The following CLN8 variants were observed in gnomAD, a reference collection of about 807,000 sequenced individuals.
CLN8 encodes CLN8 transmembrane ER and ERGIC protein.
Under a neutral mutation model 15.7 loss-of-function variants are expected in CLN8, and 14 were observed. That is an observed-to-expected ratio of 0.89 (90% CI 0.59 to 1.39). The LOEUF is 1.39. Among genes scored for constraint, CLN8 ranks in the 40% most tolerant of loss-of-function variants. The pLI, the probability that CLN8 is intolerant of heterozygous loss-of-function variation, is 0.00. For missense variants in CLN8, 415 were observed against 364.0 expected, an observed-to-expected ratio of 1.14 and a Z score of -1.14; for synonymous variants, 188 against 151.0, an observed-to-expected ratio of 1.25 and a Z score of -1.80.
intron 1 of CLN8, chr8:1,764,426 C>T (rs1800959934): frequency 1.3e-5 from 2 of 152,298 alleles, no homozygotes; most frequent in Admixed American, 6.5e-5. Context: ...CAAGTACGGT[C>T]AGCTCACCTG....
At chr8:1,763,136 C>T (rs1800847923), upstream of CLN8, 1 of 151,960 alleles carries the variant, frequency 6.6e-6, no homozygotes, top group Admixed American at 6.6e-5. Flanking sequence ...GTGTCCTCAC[C>T]GAGCCCCGGG....
At chr8:1,774,425 A>G (rs374244430) in intron 2 of CLN8, among the ~76,000 whole-genome samples, 1 of 152,248 alleles carries the variant, frequency 6.6e-6, no homozygotes, top group East Asian at 1.9e-4. Context: ...TAAATGCAGT[A>G]AGAAAACACT....
chr8:1,757,623 T>G (rs1442255481), intron 1 of CLN8, among the ~76,000 whole-genome samples: 1 of 152,066 alleles, frequency 6.6e-6, no homozygotes, highest in Non-Finnish European at 1.5e-5. Context: ...GTATTTTTAG[T>G]AGAGACAAGG....
chr8:1,772,603 G>A lies in CLN8; in HGVS notation c.543+1006G>A, dbSNP rs534178777. ...CCTCCCAAGTAGCTGGGATTACAGC[G>A]CCCACCACCACGCCTAGCTAATTTG... On this transcript the variant is annotated intron_variant, in intron 2 of 2. Coordinates refer to ENST00000331222, the MANE Select transcript of CLN8 (RefSeq NM_018941.4). Among the ~76,000 whole-genome samples the A allele has an allele frequency of 3.6e-4, 55 of 151,976 alleles. 1 individual carries two copies. In the South Asian group the frequency reaches 0.01, roughly 28 times the overall value.
intron 2 of CLN8, among the ~76,000 whole-genome samples, chr8:1,779,236 A>G (rs914324541): frequency 2.0e-5 from 3 of 152,234 alleles, no homozygotes; most frequent in Non-Finnish European, 2.9e-5. Flanking sequence ...AGAACGTGTT[A>G]GAATTTTTTA....
upstream of CLN8, chr8:1,763,303 T>A (rs888744357): frequency 1.7e-5 from 2 of 120,922 alleles, no homozygotes; most frequent in African/African-American, 6.4e-5. Flanking sequence ...ACCGCCCCCA[T>A]GCCGCCGCCC....
rs151301218 is a variant in CLN8 at position 1,776,098 on chromosome 8, G to A, written c.544-4152G>A. 9.3e-4 allele frequency among the ~76,000 whole-genome samples: 141 copies of A among 151,432 alleles called. 1 individual carries two copies. The highest frequency in any genetic ancestry group is 3.2e-3 in the African/African-American group (132 of 40,754). On this transcript the variant is annotated intron_variant, in intron 2 of 2. Transcript: ENST00000331222. The stretch of plus-strand genomic sequence containing the variant: ...GGTGGTGGTGCTCCACACACATGAT[G>A]ACAGAAGATTCTGGAAGCTGGAATC...
At chr8:1,755,694 A>G (rs1052190482), upstream of CLN8, 4 of 152,360 alleles carry the variant, frequency 2.6e-5, no homozygotes, top group Non-Finnish European at 5.9e-5. Context: ...CATCCAATCC[A>G]TCGGGTGGCA....
exon 1 of CLN8, chr8:1,755,778 A>G (rs1035396009): frequency 2.6e-5 from 4 of 152,132 alleles, no homozygotes; most frequent in African/African-American, 7.2e-5. Flanking sequence ...CCTCCTCTGG[A>G]ATGAACTCCA....
At chr8:1,778,941 C>T (rs1168896729) in intron 2 of CLN8, among the ~76,000 whole-genome samples, 2 of 152,180 alleles carry the variant, frequency 1.3e-5, no homozygotes, top group Non-Finnish European at 2.9e-5. Context: ...TATAGCCTGG[C>T]CTGCCTTTAA....
upstream of CLN8, among the ~76,000 whole-genome samples, chr8:1,753,387 A>G (rs1452258237): frequency 2.6e-5 from 4 of 152,016 alleles, no homozygotes; most frequent in Admixed American, 1.3e-4. Context: ...CCTGGCCAAT[A>G]CGGTGAAAAC....
At chr8:1,762,335 C>CA (rs1800819148), upstream of CLN8, 1 of 152,194 alleles carries the variant, frequency 6.6e-6, no homozygotes. Context: ...AGGTGCCCAC[C>CA]ACCACACCCG....
upstream of CLN8, among the ~76,000 whole-genome samples, chr8:1,760,636 A>G (rs1221160793): frequency 6.6e-6 from 1 of 152,214 alleles, no homozygotes; most frequent in African/African-American, 2.4e-5. Context: ...CATCTTTCTA[A>G]GCCTCACTTC....
chr8:1,777,970 T>C (rs903281091), intron 2 of CLN8, among the ~76,000 whole-genome samples: 2 of 152,272 alleles, frequency 1.3e-5, no homozygotes, highest in African/African-American at 2.4e-5. Flanking sequence ...TGTGCGTTGT[T>C]GACTGAAATA....
chr8:1,754,785 G>C (rs1172243246), upstream of CLN8, among the ~76,000 whole-genome samples: 1 of 152,212 alleles, frequency 6.6e-6, no homozygotes, highest in Non-Finnish European at 1.5e-5. Context: ...GATGCAATGA[G>C]CTGGGGAAGG....
Position 1,771,381 on chromosome 8 carries a change from A to G in CLN8, c.327A>G (p.Thr109=). Residue 109 remains threonine, a synonymous_variant, in exon 2 of 3, where the codon ACA becomes ACG. Coordinates refer to ENST00000331222, the MANE Select transcript of CLN8 (RefSeq NM_018941.4). ...ACTGGTGCTGGTTTCACATCACGAC[A>G]GCAACGGGATTCTTTTGCTTTGAAA... The part of the protein sequence containing the change: ...QQNWCWFHIT[T]ATGFFCFENV... The G allele has an allele frequency of 6.2e-7, 1 of 1,614,208 alleles. No individual in the cohort carries two copies. The highest frequency in any genetic ancestry group is 1.1e-5 in the South Asian group (1 of 91,084).
At chr8:1,759,441 G>A (rs1387020521), upstream of CLN8, 1 of 152,226 alleles carries the variant, frequency 6.6e-6, no homozygotes, top group Non-Finnish European at 1.5e-5. Flanking sequence ...AGGCCAGGGG[G>A]GTTCTTGCTA....
In CLN8 at chr8:1,784,342, A is replaced by G. The variant is rs1173475812; in HGVS notation, c.*3775A>G. ...CAGTTCTGGAGGCTGGAAGTCCAAG[A>G]TAAAGGTGTGGGCTGATTAGTTTCT... On this transcript the variant is annotated 3_prime_UTR_variant, in exon 3 of 3. Transcript: ENST00000331222. 1 of 152,254 alleles carries G rather than the reference A, an allele frequency of 6.6e-6. No individual in the cohort carries two copies. The highest frequency in any genetic ancestry group is 2.4e-5 in the African/African-American group (1 of 41,296). The allele number at this position is 152,254 out of a possible 1,614,324, so 9.4% of individuals were successfully genotyped here. A position where few individuals can be genotyped will look rare whatever the true frequency, so the allele number is the denominator to read the frequency against.
chr8:1,768,806 C>A (rs931634355), intron 1 of CLN8, among the ~76,000 whole-genome samples: 2 of 152,148 alleles, frequency 1.3e-5, no homozygotes, highest in Non-Finnish European at 2.9e-5. Context: ...ATACCAGAGC[C>A]GAGTGCTCTT....
Sources: gnomAD v4.1 joint callset for allele counts (sites outside exome capture counted in the v4.1 genomes callset) on GRCh38, gnomAD v4.1.1 for gene constraint, MANE v1.5 for transcripts, NCBI Gene and HGNC (gene_info 2026-07-23, HGNC 2026-07-21) for gene names.